TPD52: variants seen among roughly 807,000 people sequenced by gnomAD.
TPD52 encodes prostate and colon associated protein.
A neutral mutation model predicts 31.3 loss-of-function variants in TPD52; 17 were observed. That is an observed-to-expected ratio of 0.54 (90% CI 0.37 to 0.82). The LOEUF (loss-of-function observed/expected upper bound fraction) is 0.82. TPD52 is among the 40% of genes least tolerant of loss of function. TPD52 has a pLI of 0.00. For synonymous variants in TPD52, 83 were observed against 89.6 expected (o/e 0.93, Z 0.42); for missense variants, 212 against 240.1 (o/e 0.88, Z 0.77).
At chr8:80,094,678 A>C (rs1816594427) in intron 1 of TPD52, among the ~76,000 whole-genome samples, 1 of 151,352 alleles carries the variant, frequency 6.6e-6, no homozygotes, top group African/African-American at 2.4e-5. Context: ...AATGATGTGA[A>C]TATGATGAAT....
intron 1 of TPD52, among the ~76,000 whole-genome samples, chr8:80,116,330 A>G (rs942800405): frequency 1.3e-5 from 2 of 152,230 alleles, no homozygotes; most frequent in African/African-American, 4.8e-5. Context: ...AGCAATCATT[A>G]TTGCCAACCA....
At chr8:80,124,772 C>A (rs920276100) in intron 1 of TPD52, among the ~76,000 whole-genome samples, 1 of 151,998 alleles carries the variant, frequency 6.6e-6, no homozygotes, top group Non-Finnish European at 1.5e-5. Context: ...ATGCTTAGCA[C>A]GTATTCTGAT....
chr8:80,154,744 C>A (rs1390891235), intron 1 of TPD52, among the ~76,000 whole-genome samples: 37 of 60,642 alleles, frequency 6.1e-4, no homozygotes, highest in Middle Eastern at 0.011. Context: ...CACACACACA[C>A]ACACACACAA....
chr8:80,049,788 C>T (rs989645312), intron 5 of TPD52, among the ~76,000 whole-genome samples: 4 of 152,132 alleles, frequency 2.6e-5, no homozygotes, highest in African/African-American at 9.7e-5. Flanking sequence ...TTTTAATGTG[C>T]TTTTTTTAGC....
chr8:80,119,814 C>A, intron 1 of TPD52: 1 of 392,272 alleles, frequency 2.5e-6, no homozygotes, highest in Non-Finnish European at 4.9e-6. Context: ...AAAATACTTA[C>A]ATTTTATATG....
chr8:80,056,962 G>T (rs1016087365), intron 2 of TPD52, among the ~76,000 whole-genome samples: 2 of 152,004 alleles, frequency 1.3e-5, no homozygotes, highest in Non-Finnish European at 2.9e-5. Context: ...TGAGGTCAGG[G>T]GTTTGAGACC....
intron 2 of TPD52, among the ~76,000 whole-genome samples, chr8:80,058,379 G>A (rs1812125753): frequency 6.6e-6 from 1 of 152,190 alleles, no homozygotes; most frequent in African/African-American, 2.4e-5. Context: ...TGAGCTTGCG[G>A]AAATTCAAAA....
intron 1 of TPD52, among the ~76,000 whole-genome samples, chr8:80,072,409 G>A (rs1195214374): frequency 6.5e-5 from 9 of 139,266 alleles, no homozygotes; most frequent in Non-Finnish European, 1.2e-4. Flanking sequence ...ATAGATATGC[G>A]TGTATATACA....
At chr8:80,071,068 A>C (rs952912955) in intron 1 of TPD52, among the ~76,000 whole-genome samples, 1 of 152,172 alleles carries the variant, frequency 6.6e-6, no homozygotes, top group African/African-American at 2.4e-5. Context: ...AACAAGGAAC[A>C]CCAAGGTCTG....
At chr8:80,169,009 G>C (rs1165834134) in intron 1 of TPD52, among the ~76,000 whole-genome samples, 1 of 152,192 alleles carries the variant, frequency 6.6e-6, no homozygotes, top group African/African-American at 2.4e-5. Context: ...TTTTGAGATA[G>C]AGTCTCGCTC....
intron 1 of TPD52, among the ~76,000 whole-genome samples, chr8:80,088,812 T>C (rs1816027182): frequency 6.6e-6 from 1 of 152,172 alleles, no homozygotes; most frequent in South Asian, 2.1e-4. Context: ...CTAGGGATGC[T>C]CACGCAAAAG....
At chr8:80,094,445 TATATATATATATATA>T in intron 1 of TPD52, among the ~76,000 whole-genome samples, 1 of 50,154 alleles carries the variant, frequency 2.0e-5, no homozygotes, top group East Asian at 4.2e-4. Flanking sequence ...TATATATATA[TATATATATATATATA>T]TATATATATA....
chr8:80,101,260 C>G (rs1806710672), intron 1 of TPD52, among the ~76,000 whole-genome samples: 1 of 152,018 alleles, frequency 6.6e-6, no homozygotes, highest in Non-Finnish European at 1.5e-5. Context: ...CCAGCCTGAC[C>G]AACATGGTGA....
chr8:80,085,783 G>A (rs1815699507), intron 1 of TPD52, among the ~76,000 whole-genome samples: 1 of 152,150 alleles, frequency 6.6e-6, no homozygotes, highest in South Asian at 2.1e-4. Flanking sequence ...GAAATTTTGA[G>A]GAAGAAGATG....
At chr8:80,072,798 C>CATATATATATATATATATATATAT (rs779389191) in intron 1 of TPD52, among the ~76,000 whole-genome samples, 10 of 141,044 alleles carry the variant, frequency 7.1e-5, no homozygotes, top group African/African-American at 3.0e-4. Context: ...CACACACACA[C>CATATATATATATATATATATATAT]ATATATATAT....
chr8:80,074,375 G>A (rs750553857), intron 1 of TPD52, among the ~76,000 whole-genome samples: 4 of 152,220 alleles, frequency 2.6e-5, no homozygotes, highest in Non-Finnish European at 5.9e-5. Context: ...CCCATTCTCT[G>A]TGCCTTGTTG....
intron 1 of TPD52, among the ~76,000 whole-genome samples, chr8:80,139,010 G>C (rs895968438): frequency 3.9e-5 from 6 of 152,150 alleles, no homozygotes; most frequent in African/African-American, 1.4e-4. Flanking sequence ...TGACAAAGGA[G>C]CCACCGTCTC....
chr8:80,161,102 A>C (rs1811333425), intron 1 of TPD52, among the ~76,000 whole-genome samples: 1 of 152,144 alleles, frequency 6.6e-6, no homozygotes, highest in Non-Finnish European at 1.5e-5. Flanking sequence ...GTAAATAACT[A>C]ACTTCAATAG....
At chr8:80,119,878 TA>T (rs1563640434) in intron 1 of TPD52, 1 of 399,722 alleles carries the variant, frequency 2.5e-6, no homozygotes, top group East Asian at 8.2e-5. Context: ...CCAGATGAAA[TA>T]AAAAGCTATA....
Sources: gnomAD v4.1 joint callset for allele counts (sites outside exome capture counted in the v4.1 genomes callset) on GRCh38, gnomAD v4.1.1 for gene constraint, MANE v1.5 for transcripts, NCBI Gene and HGNC (gene_info 2026-07-23, HGNC 2026-07-21) for gene names.